The following ITPR2 variants were observed in gnomAD, a reference collection of about 807,000 sequenced individuals.
ITPR2 encodes inositol 1,4,5-trisphosphate receptor type 2, also known as inositol 1,4,5-trisphosphate-gated calcium channel ITPR2.
ITPR2 carries 207 observed loss-of-function variants against 317.1 expected under a neutral mutation model. That is an observed-to-expected ratio of 0.65 (90% CI 0.58 to 0.73). ITPR2 has a LOEUF of 0.73. Among genes scored for constraint, ITPR2 ranks in the 30% least tolerant of loss-of-function variants. The pLI, the probability that ITPR2 is intolerant of heterozygous loss-of-function variation, is 0.00. For synonymous variants in ITPR2, 1,156 were observed against 1,149.1 expected (o/e 1.01, Z -0.12); for missense variants, 2,613 against 3,284.0 (o/e 0.80, Z 4.99).
rs1340592911 is a variant in ITPR2, at chr12:26,674,622, G to A, written c.1409+7252C>T. Among the ~76,000 whole-genome samples the A allele has an allele frequency of 3.3e-5, 5 of 152,170 alleles. No homozygotes were observed. The South Asian group carries it at 1.0e-3, about 32-fold the overall frequency. On this transcript the variant is annotated intron_variant, in intron 13 of 56. Coordinates refer to ENST00000381340, the MANE Select transcript of ITPR2 (RefSeq NM_002223.4). Reference sequence around the variant, plus strand: ...AAGAAAACCTAGGCATTACCATTCAGGACATAGGCATGGGCAAGGACTTCA... The same window carrying A: ...AAGAAAACCTAGGCATTACCATTCAAGACATAGGCATGGGCAAGGACTTCA...
rs1181567779 is a variant in ITPR2, at chr12:26,624,341, A to G, written c.3080T>C (p.Ile1027Thr). 1.9e-6 allele frequency: 3 copies of G among 1,609,892 alleles called. No homozygotes were observed. Residue 1027 changes from isoleucine to threonine, a missense_variant, in exon 24 of 57, where the codon ATA (isoleucine) becomes ACA (threonine). Transcript: ENST00000381340. ...TLLPSAIVPD[I>T]DEIAAQAETM... Reference sequence around the variant, plus strand: ...TTCTGCCTGAGCTGCAATTTCATCTATATCAGGAACAATAGCTGCAAAGAT... The same window carrying G: ...TTCTGCCTGAGCTGCAATTTCATCTGTATCAGGAACAATAGCTGCAAAGAT...
At chr12:26,546,257 G>A (rs1944388677) in intron 37 of ITPR2, among the ~76,000 whole-genome samples, 2 of 152,056 alleles carry the variant, frequency 1.3e-5, no homozygotes, top group African/African-American at 2.4e-5. Context: ...GTTAAGTATA[G>A]TCACCCTACT....
intron 1 of ITPR2, among the ~76,000 whole-genome samples, chr12:26,794,960 T>C (rs1294224955): frequency 6.6e-6 from 1 of 152,272 alleles, no homozygotes; most frequent in Non-Finnish European, 1.5e-5. Flanking sequence ...AATGGAGATG[T>C]AGTAGACACT....
intron 37 of ITPR2, among the ~76,000 whole-genome samples, chr12:26,536,517 G>C (rs1944095518): frequency 1.3e-5 from 2 of 152,208 alleles, no homozygotes; most frequent in South Asian, 4.1e-4. Context: ...TTGAAGGACA[G>C]TTGAAATGGA....
At chr12:26,623,005 A>G (rs893587230) in intron 24 of ITPR2, among the ~76,000 whole-genome samples, 7 of 152,240 alleles carry the variant, frequency 4.6e-5, no homozygotes, top group African/African-American at 1.7e-4. Context: ...AACTAGTACT[A>G]TAATATAAAA....
intron 2 of ITPR2, among the ~76,000 whole-genome samples, chr12:26,780,453 C>T (rs910761777): frequency 4.6e-5 from 7 of 152,188 alleles, no homozygotes; most frequent in Admixed American, 6.5e-5. Flanking sequence ...CACAACATTG[C>T]CACTGACCAA....
At chr12:26,402,444 A>G (rs1301194330) in intron 52 of ITPR2, among the ~76,000 whole-genome samples, 1 of 152,226 alleles carries the variant, frequency 6.6e-6, no homozygotes, top group African/African-American at 2.4e-5. Context: ...ACGCTACAGG[A>G]GAGGGCTTCT....
In ITPR2 at chr12:26,483,688, T is replaced by G; in HGVS notation, c.6012+10A>C. Reference sequence around the variant, plus strand: ...CCCTTTACTAATTAGTCATGGATACTTCTGGTTACCTGATTTTCATGGCAA... The same window carrying G: ...CCCTTTACTAATTAGTCATGGATACGTCTGGTTACCTGATTTTCATGGCAA... On this transcript the variant is annotated intron_variant, in intron 42 of 56. Coordinates refer to ENST00000381340, the MANE Select transcript of ITPR2 (RefSeq NM_002223.4). 3 of 1,607,094 alleles carry G rather than the reference T, an allele frequency of 1.9e-6. No homozygotes were observed. Among genetic ancestry groups the G allele is most frequent in the Non-Finnish European group, 2.6e-6 (3 of 1,173,536 alleles).
chr12:26,681,770 C>G, intron 13 of ITPR2, 104 bp downstream of exon 13: 1 of 773,096 alleles, frequency 1.3e-6, no homozygotes, highest in Non-Finnish European at 2.1e-6. Flanking sequence ...AGTGTGCTAT[C>G]GAGAATGTTC....
At chr12:26,687,452 C>T (rs533762855) in intron 10 of ITPR2, among the ~76,000 whole-genome samples, 59 of 152,132 alleles carry the variant, frequency 3.9e-4, no homozygotes, top group Non-Finnish European at 7.8e-4. Context: ...GAAACACTGT[C>T]ACTGCACTAT....
At chr12:26,649,822 T>TAGAC (rs58621399) in intron 21 of ITPR2, among the ~76,000 whole-genome samples, 7,509 of 119,652 alleles carry the variant, frequency 0.063, 527 homozygotes, top group East Asian at 0.18. Context: ...GATAGATAGA[T>TAGAC]AGACAGACAG....
At chr12:26,442,006 T>C (rs902697369) in intron 46 of ITPR2, among the ~76,000 whole-genome samples, 8 of 152,126 alleles carry the variant, frequency 5.3e-5, no homozygotes, top group Non-Finnish European at 1.0e-4. Context: ...CCAGCCATCT[T>C]CGATATCACC....
chr12:26,803,763 A>G (rs933292554), intron 1 of ITPR2, among the ~76,000 whole-genome samples: 6 of 152,138 alleles, frequency 3.9e-5, no homozygotes, highest in Admixed American at 2.6e-4. Flanking sequence ...AGAGATGAAC[A>G]TGAGAACCAA....
At chr12:26,463,441 C>T (rs1427879512) in intron 45 of ITPR2, among the ~76,000 whole-genome samples, 4 of 151,830 alleles carry the variant, frequency 2.6e-5, no homozygotes, top group East Asian at 1.9e-4. Flanking sequence ...CTGAGGTGGG[C>T]GGATTATCTG....
chr12:26,606,545 T>TG (rs1003777377), intron 26 of ITPR2, among the ~76,000 whole-genome samples: 1 of 11,388 alleles, frequency 8.8e-5, no homozygotes, highest in African/African-American at 3.3e-4. Flanking sequence ...AGTTCCTCCC[T>TG]TTTTTTTTTT....
chr12:26,758,096 A>G (rs548601553), intron 2 of ITPR2, among the ~76,000 whole-genome samples: 1 of 152,284 alleles, frequency 6.6e-6, no homozygotes, highest in South Asian at 2.1e-4. Flanking sequence ...CCCTCCATGT[A>G]GCTTCTCCTG....
At chr12:26,387,384 A>C in intron 55 of ITPR2, 50 bp downstream of exon 55, 1 of 1,548,734 alleles carries the variant, frequency 6.5e-7, no homozygotes, top group Non-Finnish European at 8.8e-7. Flanking sequence ...AGAAGATGAA[A>C]GCCTAAAAGA....
At chr12:26,553,741 C>T (rs961202751) in intron 36 of ITPR2, among the ~76,000 whole-genome samples, 3 of 150,750 alleles carry the variant, frequency 2.0e-5, no homozygotes, top group South Asian at 2.1e-4. Context: ...GCCAAGATTG[C>T]GCCACTGCAC....
At chr12:26,361,358 TATATC>T (rs1463799370) in intron 55 of ITPR2, among the ~76,000 whole-genome samples, 4 of 152,230 alleles carry the variant, frequency 2.6e-5, no homozygotes, top group African/African-American at 9.6e-5. Context: ...TCATGGTTTA[TATATC>T]ATATAAGATT....
Sources: gnomAD v4.1 joint callset for allele counts (sites outside exome capture counted in the v4.1 genomes callset) on GRCh38, gnomAD v4.1.1 for gene constraint, MANE v1.5 for transcripts, NCBI Gene and HGNC (gene_info 2026-07-23, HGNC 2026-07-21) for gene names.